CIT: variants seen among roughly 807,000 people sequenced by gnomAD.
The protein encoded by CIT is citron Rho-interacting kinase.
Under a neutral mutation model 272.7 loss-of-function variants are expected in CIT, and 79 were observed. That is an observed-to-expected ratio of 0.29 (90% CI 0.24 to 0.35). The LOEUF is 0.35. Among genes scored for constraint, CIT ranks in the 10% least tolerant of loss-of-function variants. The probability of loss-of-function intolerance (pLI) is 1.00; values close to 1 mark genes in which losing one functional copy is unlikely to be tolerated. For missense variants in CIT, 1,909 were observed against 2,618.3 expected (o/e 0.73, Z 5.91); for synonymous variants, 948 against 995.6 (o/e 0.95, Z 0.90).
chr12:119,686,140 T>G lies in CIT; in HGVS notation c.*2092A>C, dbSNP rs1955569890. 6.6e-6 allele frequency: 1 copy of G among 152,520 alleles called. No homozygotes were observed. The highest frequency in any genetic ancestry group is 2.4e-5 in the African/African-American group (1 of 41,456). 9.4% of individuals were successfully genotyped at this position (152,520 alleles called of 1,614,324 possible). ...GAAACCAATTCAATTTCCTCTTTTT[T>G]TTTTTACGAATATAAAGTTTCTTGT... On this transcript the variant is annotated 3_prime_UTR_variant, in exon 48 of 48. Coordinates refer to ENST00000392521, the MANE Select transcript of CIT (RefSeq NM_001206999.2).
chr12:119,825,128 C>A, intron 8 of CIT, 37 bp downstream of exon 8: 1 of 1,575,504 alleles, frequency 6.3e-7, no homozygotes, highest in South Asian at 1.1e-5. Flanking sequence ...AATAACGTTT[C>A]TCAATGTGAC....
chr12:119,748,087 G>A (rs1959707504), intron 23 of CIT, among the ~76,000 whole-genome samples: 1 of 152,058 alleles, frequency 6.6e-6, no homozygotes, highest in South Asian at 2.1e-4. Context: ...TCACTCTTGA[G>A]CCTGGGAGTC....
chr12:119,821,800 A>G (rs993723272), intron 9 of CIT, among the ~76,000 whole-genome samples: 1 of 152,208 alleles, frequency 6.6e-6, no homozygotes, highest in Non-Finnish European at 1.5e-5. Context: ...GGAGATGTCT[A>G]TTTATTTAGA....
intron 5 of CIT, 131 bp from the exon 6 acceptor site, chr12:119,834,359 A>C: frequency 1.3e-6 from 1 of 772,548 alleles, no homozygotes; most frequent in Non-Finnish European, 2.1e-6. Flanking sequence ...TGTGTAAGGC[A>C]CGCTGTAAGT....
intron 21 of CIT, 79 bp from the exon 22 acceptor site, chr12:119,757,624 A>G (rs1321989660): frequency 1.9e-5 from 29 of 1,556,436 alleles, no homozygotes; most frequent in Non-Finnish European, 3.5e-6. Flanking sequence ...AGGTAGACGG[A>G]CACGGAGTTA....
At chr12:119,733,600 G>C (rs1218540528) in intron 26 of CIT, among the ~76,000 whole-genome samples, 2 of 152,046 alleles carry the variant, frequency 1.3e-5, no homozygotes, top group Non-Finnish European at 2.9e-5. Flanking sequence ...TGGGGACAAT[G>C]GAGACACAGG....
intron 18 of CIT, among the ~76,000 whole-genome samples, 182 bp from the exon 19 acceptor site, chr12:119,767,364 G>A (rs1962568433): frequency 6.6e-6 from 1 of 152,222 alleles, no homozygotes; most frequent in Non-Finnish European, 1.5e-5. Context: ...GGTTTTCCAA[G>A]TCCAAGTATT....
At chr12:119,795,655 T>C (rs1222670751) in intron 10 of CIT, among the ~76,000 whole-genome samples, 1 of 152,210 alleles carries the variant, frequency 6.6e-6, no homozygotes, top group East Asian at 1.9e-4. Context: ...GTCATGGCTC[T>C]TAGAGGCAGG....
chr12:119,710,154 C>A lies in CIT; in HGVS notation c.5071+97G>T. The A allele has an allele frequency of 1.5e-6, 2 of 1,361,646 alleles. No individual in the cohort carries two copies. The highest frequency in any genetic ancestry group is 2.0e-6 in the Non-Finnish European group (2 of 985,662). The allele number at this position is 1,361,646 out of a possible 1,614,324, so 84.3% of individuals were successfully genotyped here. On this transcript the variant is annotated intron_variant, in intron 39 of 47. Coordinates refer to ENST00000392521, the MANE Select transcript of CIT (RefSeq NM_001206999.2). The surrounding 1 kb of genome is among the most constrained non-coding windows in gnomAD (Gnocchi z 5.6). ...ACAGAGATAAGAGCTACAACGGCTCCTCTCTACTATTTTGTGTTTTACGAG... is the reference window on the plus strand; with the variant it reads ...ACAGAGATAAGAGCTACAACGGCTCATCTCTACTATTTTGTGTTTTACGAG...
Position 119,749,002 on chromosome 12 carries a change from G to A in CIT, c.2904+3048C>T, listed in dbSNP as rs1041837629. ...ATGTCTCTTTTCCAGCAATAAGTAC[G>A]GAAGTATCTTAAAAGCATGTTTCTG... On this transcript the variant is annotated intron_variant, in intron 23 of 47. Transcript: ENST00000392521. Among the ~76,000 whole-genome samples the A allele has an allele frequency of 3.3e-5, 5 of 152,168 alleles. No homozygotes were observed. The East Asian group carries it at 5.8e-4, about 18-fold the overall frequency.
intron 9 of CIT, among the ~76,000 whole-genome samples, chr12:119,815,104 C>A (rs1276811732): frequency 1.4e-5 from 1 of 73,648 alleles, no homozygotes; most frequent in South Asian, 4.8e-4. Flanking sequence ...CACACACACA[C>A]AACACACACA....
intron 8 of CIT, among the ~76,000 whole-genome samples, chr12:119,824,374 T>C (rs1566093285): frequency 6.6e-6 from 1 of 152,126 alleles, no homozygotes; most frequent in Non-Finnish European, 1.5e-5. Flanking sequence ...TGTTTGAAGA[T>C]TAACTAACTG....
In CIT at chr12:119,752,125, C is replaced by G. The variant is rs769243652; in HGVS notation, c.2829G>C (p.Glu943Asp). Reference protein sequence around the residue: ...TALQAARAALESQLRQAKTEL... With the variant: ...TALQAARAALDSQLRQAKTEL... The stretch of plus-strand genomic sequence containing the variant: ...CTGTCTTCGCCTGGCGAAGCTGGCT[C>G]TCCAGGGCCGCCCGTGCAGCCTGCA... Residue 943 changes from glutamate to aspartate, a missense_variant, in exon 23 of 48, where the codon GAG becomes GAC. Physicochemically the swap from Glu to Asp is conservative, Grantham distance 45. Transcript: ENST00000392521. 1.4e-5 allele frequency: 23 copies of G among 1,612,952 alleles called. No homozygotes were observed. Among genetic ancestry groups the G allele is most frequent in the Admixed American group, 1.2e-4 (7 of 60,002 alleles).
At position 119,784,171 on chromosome 12, in the gene CIT, A is replaced by C; in HGVS notation, c.1402-120T>G. The C allele has an allele frequency of 6.2e-7, 1 of 1,610,316 alleles. No individual in the cohort carries two copies. The highest frequency in any genetic ancestry group is 2.2e-5 in the East Asian group (1 of 44,704). On this transcript the variant is annotated intron_variant, in intron 11 of 47. Transcript: ENST00000392521. The surrounding 1 kb of genome is among the most constrained non-coding windows in gnomAD (Gnocchi z 4.7). ...GGCTAAGGCTAATTCGCCAAAAGTT[A>C]AGTTGGGATGGAAATACCATTGTTT...
At chr12:119,838,196 C>T (rs1024161620) in intron 5 of CIT, among the ~76,000 whole-genome samples, 1 of 152,056 alleles carries the variant, frequency 6.6e-6, no homozygotes, top group Admixed American at 6.6e-5. Context: ...CCTCAGCCTC[C>T]GGAGTGGCTG....
At position 119,824,038 on chromosome 12, in the gene CIT, C is replaced by CAAAAA. The variant is rs33990395; in HGVS notation, c.958-1070_958-1066dup. ...TGGGTAACAGAGCAAGACTCCATCT[C>CAAAAA]AAAAAAAAAAAAAAAAAAAAAATAG... On this transcript the variant is annotated intron_variant, in intron 8 of 47. Transcript: ENST00000392521. 1.8e-3 allele frequency among the ~76,000 whole-genome samples: 90 copies of CAAAAA among 50,686 alleles called. 7 individuals carry two copies. Among genetic ancestry groups the CAAAAA allele is most frequent in the African/African-American group, 7.1e-3 (83 of 11,692 alleles). 33.3% of individuals were successfully genotyped at this position (50,686 alleles called of 152,430 possible). A position where few individuals can be genotyped will look rare whatever the true frequency, so the allele number is the denominator to read the frequency against.
intron 21 of CIT, among the ~76,000 whole-genome samples, chr12:119,758,310 A>G (rs1009957911): frequency 2.0e-5 from 3 of 152,214 alleles, no homozygotes; most frequent in African/African-American, 7.2e-5. Context: ...GGGAACAAGA[A>G]CTGCAGCTTT....
intron 24 of CIT, among the ~76,000 whole-genome samples, chr12:119,741,848 T>C (rs996547571): frequency 1.3e-5 from 2 of 152,226 alleles, no homozygotes; most frequent in African/African-American, 4.8e-5. Context: ...AAGATGCTTA[T>C]CCACTCATAG....
intron 44 of CIT, chr12:119,698,282 T>C: frequency 1.7e-6 from 1 of 572,802 alleles, no homozygotes; most frequent in Non-Finnish European, 3.2e-6. Context: ...AGTGTAGGGA[T>C]TGGCTAAATA....
Sources: allele counts gnomAD v4.1 joint callset (sites outside exome capture counted in the v4.1 genomes callset), GRCh38; gene constraint gnomAD v4.1.1; non-coding constraint Gnocchi (gnomAD v3.1); transcripts MANE v1.5; gene names NCBI Gene and HGNC (gene_info 2026-07-23, HGNC 2026-07-21).